The following ADAMTSL1 variants were observed in gnomAD, a reference collection of about 807,000 sequenced individuals.
ADAMTSL1 encodes ADAMTS like 1.
In ADAMTSL1, 126 loss-of-function variants were observed where a neutral mutation model predicts 201.8. The ratio of observed to expected loss-of-function variants is 0.62; its 90% CI spans 0.54 to 0.72. The LOEUF (loss-of-function observed/expected upper bound fraction) is 0.72. ADAMTSL1 is among the 30% of genes least tolerant of loss of function. The probability of loss-of-function intolerance (pLI) is 0.00; values close to 1 mark genes in which losing one functional copy is unlikely to be tolerated. For missense variants in ADAMTSL1, 2,679 were observed against 2,277.8 expected (o/e 1.18, Z -3.59); for synonymous variants, 1,121 against 903.4 (o/e 1.24, Z -4.32).
intron 2 of ADAMTSL1, among the ~76,000 whole-genome samples, chr9:18,186,787 T>G (rs1265570048): frequency 6.6e-6 from 1 of 151,908 alleles, no homozygotes; most frequent in Non-Finnish European, 1.5e-5. Flanking sequence ...TGCTGGGAAA[T>G]TATTATTATC....
At chr9:18,002,057 G>A (rs536271478) in intron 1 of ADAMTSL1, among the ~76,000 whole-genome samples, 2 of 151,948 alleles carry the variant, frequency 1.3e-5, no homozygotes, top group Admixed American at 1.3e-4. Flanking sequence ...TACACTGAAA[G>A]GATGAAGTCA....
At chr9:18,527,346 G>A (rs1348365434) in intron 2 of ADAMTSL1, among the ~76,000 whole-genome samples, 1 of 152,166 alleles carries the variant, frequency 6.6e-6, no homozygotes, top group Non-Finnish European at 1.5e-5. Context: ...AGTGTTAAAT[G>A]CAGAATGACC....
At position 18,059,549 on chromosome 9, in the gene ADAMTSL1, A is replaced by T. The variant is rs1822356390; in HGVS notation, c.88-104313A>T. Among the ~76,000 whole-genome samples the T allele has an allele frequency of 2.6e-5, 4 of 152,184 alleles. No individual in the cohort carries two copies. In the South Asian group the frequency reaches 8.3e-4, roughly 32 times the overall value. ...ATATGACTTTGATAGGCCTTAGGGG[A>T]TAATGGATTTTTTCTCACAGACAAT... On this transcript the variant is annotated intron_variant, in intron 1 of 29. Transcript: ENST00000680146.
At chr9:18,026,777 T>C (rs1443909198) in intron 1 of ADAMTSL1, among the ~76,000 whole-genome samples, 3 of 152,146 alleles carry the variant, frequency 2.0e-5, no homozygotes, top group African/African-American at 7.2e-5. Flanking sequence ...TTCAGTAGGA[T>C]TGATAGCAGC....
intron 16 of ADAMTSL1, among the ~76,000 whole-genome samples, chr9:18,768,677 C>T (rs1315749088): frequency 6.6e-6 from 1 of 152,072 alleles, no homozygotes; most frequent in East Asian, 1.9e-4. Context: ...GACTCTAAGA[C>T]TAAAAGGCTT....
chr9:18,007,362 A>G (rs917669435), intron 1 of ADAMTSL1, among the ~76,000 whole-genome samples: 13 of 152,036 alleles, frequency 8.6e-5, no homozygotes, highest in African/African-American at 3.1e-4. Flanking sequence ...ATATTTTTGA[A>G]CAGTTCCATG....
In ADAMTSL1 at chr9:18,178,172, C is replaced by G. The variant is rs1828265320; in HGVS notation, c.207+14191C>G. Among the ~76,000 whole-genome samples the G allele has an allele frequency of 2.0e-5, 3 of 152,188 alleles. No individual in the cohort carries two copies. In the South Asian group the frequency reaches 6.2e-4, roughly 31 times the overall value. On this transcript the variant is annotated intron_variant, in intron 2 of 29. Coordinates refer to the ADAMTSL1 transcript ENST00000680146. ...GGGCGCAGGTCAGTGGGTGAGCGCACTGTGCGCGAGCCGAAGCAGGGCGAG... is the reference window on the plus strand; with the variant it reads ...GGGCGCAGGTCAGTGGGTGAGCGCAGTGTGCGCGAGCCGAAGCAGGGCGAG...
At position 18,819,024 on chromosome 9, in the gene ADAMTSL1, G is replaced by T. The variant is rs551196574; in HGVS notation, c.3934+1787G>T. On this transcript the variant is annotated intron_variant, in intron 21 of 28. Transcript: ENST00000380548. ...TGTGCAGGGATTAATGGTGGTGCCA[G>T]TAGAGCCCTTTCTGCAGAACCATCA... Among the ~76,000 whole-genome samples, 4 of 152,300 alleles carry T rather than the reference G, an allele frequency of 2.6e-5. No individual in the cohort carries two copies. In the South Asian group the frequency reaches 8.3e-4, roughly 32 times the overall value.
intron 1 of ADAMTSL1, among the ~76,000 whole-genome samples, chr9:18,041,964 A>T (rs1037791484): frequency 3.5e-4 from 53 of 152,106 alleles, no homozygotes; most frequent in African/African-American, 1.3e-3. Flanking sequence ...AAAATATTTT[A>T]AAATTGGTTA....
chr9:18,612,051 A>T (rs1267361950), intron 4 of ADAMTSL1, among the ~76,000 whole-genome samples: 4 of 152,170 alleles, frequency 2.6e-5, no homozygotes, highest in Non-Finnish European at 5.9e-5. Flanking sequence ...TACAAAGTGA[A>T]TCTACAGATC....
At chr9:18,177,250 G>C (rs922127955) in intron 2 of ADAMTSL1, among the ~76,000 whole-genome samples, 1 of 152,168 alleles carries the variant, frequency 6.6e-6, no homozygotes, top group Non-Finnish European at 1.5e-5. Flanking sequence ...AATGTGTATA[G>C]GAAGCTAAGT....
intron 26 of ADAMTSL1, among the ~76,000 whole-genome samples, chr9:18,899,961 GCTTCTGCT>G (rs1292734516): frequency 6.6e-6 from 1 of 152,086 alleles, no homozygotes; most frequent in Non-Finnish European, 1.5e-5. Context: ...AAACTAAAGA[GCTTCTGCT>G]CATCAAAAGA....
At chr9:18,474,449 C>T (rs1821351991) in intron 1 of ADAMTSL1, among the ~76,000 whole-genome samples, 154 bp downstream of exon 1, 1 of 152,026 alleles carries the variant, frequency 6.6e-6, no homozygotes. Flanking sequence ...GAGAATACTC[C>T]TTCTAGAACT....
chr9:18,887,676 C>T (rs1267481710), intron 23 of ADAMTSL1, among the ~76,000 whole-genome samples, 155 bp from the exon 24 acceptor site: 2 of 152,170 alleles, frequency 1.3e-5, no homozygotes, highest in Non-Finnish European at 2.9e-5. Flanking sequence ...AAAAACATCT[C>T]CTGTTTGCTC....
At chr9:18,279,769 C>T (rs1353553957) in intron 2 of ADAMTSL1, among the ~76,000 whole-genome samples, 1 of 152,078 alleles carries the variant, frequency 6.6e-6, no homozygotes, top group East Asian at 1.9e-4. Context: ...TCGCAGATTC[C>T]ATAGTTTCTT....
intron 1 of ADAMTSL1, among the ~76,000 whole-genome samples, chr9:18,500,467 T>C (rs919800943): frequency 1.3e-5 from 2 of 152,008 alleles, no homozygotes; most frequent in Non-Finnish European, 2.9e-5. Flanking sequence ...GATTGCTGAG[T>C]TTCTGAGAAG....
At chr9:18,238,985 A>G (rs1830953876) in intron 2 of ADAMTSL1, among the ~76,000 whole-genome samples, 1 of 152,240 alleles carries the variant, frequency 6.6e-6, no homozygotes, top group South Asian at 2.1e-4. Context: ...AGTGCATATA[A>G]AAGTTATGTT....
intron 2 of ADAMTSL1, among the ~76,000 whole-genome samples, chr9:18,458,113 A>G (rs969146764): frequency 7.2e-5 from 11 of 152,172 alleles, no homozygotes; most frequent in African/African-American, 2.7e-4. Flanking sequence ...ATTGCATGGG[A>G]TGCCCATAGG....
chr9:18,817,553 A>C (rs1341900582), intron 21 of ADAMTSL1, among the ~76,000 whole-genome samples: 1 of 152,204 alleles, frequency 6.6e-6, no homozygotes, highest in Non-Finnish European at 1.5e-5. Context: ...CAGGAGAGTG[A>C]TAAATTCATG....
Sources: gnomAD v4.1 joint callset for allele counts (sites outside exome capture counted in the v4.1 genomes callset) on GRCh38, gnomAD v4.1.1 for gene constraint, MANE v1.5 for transcripts, NCBI Gene and HGNC (gene_info 2026-07-23, HGNC 2026-07-21) for gene names.